The following ST3GAL3 variants were observed in gnomAD, a reference collection of about 807,000 sequenced individuals.
The protein encoded by ST3GAL3 is ST3 beta-galactoside alpha-2,3-sialyltransferase 3, also known as CMP-N-acetylneuraminate-beta-1,4-galactoside alpha-2,3-sialyltransferase.
In ST3GAL3, 21 loss-of-function variants were observed where a neutral mutation model predicts 50.1. That is an observed-to-expected ratio of 0.42 (90% confidence interval 0.30 to 0.60). The LOEUF (loss-of-function observed/expected upper bound fraction) is 0.60. ST3GAL3 is among the 20% of genes least tolerant of loss of function. The probability of loss-of-function intolerance (pLI) is 0.19; values close to 1 mark genes in which losing one functional copy is unlikely to be tolerated. For missense variants in ST3GAL3, 353 were observed against 489.4 expected, an observed-to-expected ratio of 0.72 and a Z score of 2.63; for synonymous variants, 183 against 190.0, an observed-to-expected ratio of 0.96 and a Z score of 0.30.
At chr1:43,732,682 A>T (rs769320433) in intron 1 of ST3GAL3, among the ~76,000 whole-genome samples, 1 of 152,168 alleles carries the variant, frequency 6.6e-6, no homozygotes, top group South Asian at 2.1e-4. Flanking sequence ...CCATAATTTA[A>T]TTATTGGGTC....
At chr1:43,758,409 C>T (rs942838471) in intron 2 of ST3GAL3, among the ~76,000 whole-genome samples, 6 of 151,962 alleles carry the variant, frequency 3.9e-5, no homozygotes. Context: ...TGCCTCTATA[C>T]CTGGCTAATG....
chr1:43,857,630 T>TCCTTCCTTCCTTCCTTCCTC (rs2068832765), intron 5 of ST3GAL3, among the ~76,000 whole-genome samples: 1 of 146,280 alleles, frequency 6.8e-6, no homozygotes, highest in Non-Finnish European at 1.5e-5. Context: ...CTTCCTTCCT[T>TCCTTCCTTCCTTCCTTCCTC]CCTTCCTCGG....
chr1:43,863,324 C>T (rs1405076605), intron 5 of ST3GAL3, among the ~76,000 whole-genome samples: 1 of 152,184 alleles, frequency 6.6e-6, no homozygotes, highest in African/African-American at 2.4e-5. Flanking sequence ...GCACCCACTC[C>T]AGGCTGAAGG....
chr1:43,898,501 C>A (rs762410150), intron 7 of ST3GAL3: 21 of 645,884 alleles, frequency 3.3e-5, no homozygotes, highest in Non-Finnish European at 5.1e-5. Context: ...CAGCACTTGG[C>A]AGGACATCCC....
chr1:43,718,679 C>CTTT (rs56873855), intron 1 of ST3GAL3, among the ~76,000 whole-genome samples: 6 of 29,106 alleles, frequency 2.1e-4, no homozygotes, highest in African/African-American at 4.7e-4. Context: ...TCTGCTACAT[C>CTTT]TTTTTTTTTT....
intron 5 of ST3GAL3, among the ~76,000 whole-genome samples, chr1:43,867,508 C>T (rs1230487862): frequency 3.3e-5 from 5 of 152,026 alleles, no homozygotes; most frequent in Non-Finnish European, 5.9e-5. Context: ...TCTGGGGTTC[C>T]CAGGGAGAGG....
At chr1:43,747,110 C>T (rs1255563399) in intron 2 of ST3GAL3, among the ~76,000 whole-genome samples, 1 of 151,318 alleles carries the variant, frequency 6.6e-6, no homozygotes, top group East Asian at 2.0e-4. Flanking sequence ...ACAATAAAAA[C>T]GTAAAACAAA....
At chr1:43,869,204 T>G (rs1312310875) in intron 5 of ST3GAL3, among the ~76,000 whole-genome samples, 1 of 152,180 alleles carries the variant, frequency 6.6e-6, no homozygotes. Context: ...TTCAAGATAC[T>G]CATCAGTAAT....
chr1:43,806,193 G>A (rs1186397876), intron 3 of ST3GAL3, among the ~76,000 whole-genome samples: 1 of 152,184 alleles, frequency 6.6e-6, no homozygotes, highest in East Asian at 1.9e-4. Context: ...TAGAAATTTA[G>A]GGAAAAATGT....
In ST3GAL3 at chr1:43,899,063, C is replaced by A. The variant is rs2077827602; in HGVS notation, c.462-105C>A. 3.3e-6 allele frequency: 5 copies of A among 1,532,148 alleles called. No individual in the cohort carries two copies. The highest frequency in any genetic ancestry group is 3.6e-6 in the Non-Finnish European group (4 of 1,123,686). 94.9% of individuals were successfully genotyped at this position (1,532,148 alleles called of 1,614,324 possible). ...AGCCCATTGGTCTTCTTCCTCTATC[C>A]CAGCCTGGTCCTGGACAAGGGCGTG... On this transcript the variant is annotated intron_variant, in intron 7 of 11. Coordinates refer to ENST00000347631, the MANE Select transcript of ST3GAL3 (RefSeq NM_006279.5). This position sits in a 1 kb window ranked among gnomAD's most constrained non-coding sequence, Gnocchi z 5.4.
chr1:43,743,563 A>G (rs1386488778), intron 2 of ST3GAL3: 1 of 403,070 alleles, frequency 2.5e-6, no homozygotes, highest in Non-Finnish European at 5.0e-6. Context: ...TAAACTAATG[A>G]AAGCTTATTG....
At chr1:43,813,902 C>A (rs1473045920) in intron 3 of ST3GAL3, among the ~76,000 whole-genome samples, 1 of 83,120 alleles carries the variant, frequency 1.2e-5, no homozygotes. Context: ...CACGCACACA[C>A]GCACACACAC....
intron 2 of ST3GAL3, 126 bp from the exon 3 acceptor site, chr1:43,791,976 G>A: frequency 9.0e-7 from 1 of 1,111,330 alleles, no homozygotes; most frequent in Non-Finnish European, 1.4e-6. Flanking sequence ...CTGGGAGGCT[G>A]GGCTGTTCGA....
At chr1:43,893,072 C>T (rs1198041308) in intron 5 of ST3GAL3, among the ~76,000 whole-genome samples, 1 of 152,164 alleles carries the variant, frequency 6.6e-6, no homozygotes, top group African/African-American at 2.4e-5. Context: ...GGGGAGGGAG[C>T]AGGATTCCAA....
chr1:43,806,820 G>T (rs1324133262), intron 3 of ST3GAL3, among the ~76,000 whole-genome samples: 3 of 152,148 alleles, frequency 2.0e-5, no homozygotes, highest in African/African-American at 7.2e-5. Context: ...CTCCCCAGTA[G>T]CTGGGACCAC....
intron 2 of ST3GAL3, among the ~76,000 whole-genome samples, chr1:43,747,561 A>ATTT (rs71579307): frequency 7.7e-5 from 7 of 90,614 alleles, no homozygotes; most frequent in Non-Finnish European, 8.3e-5. Context: ...TAGCTCAGGG[A>ATTT]TTTTTTTTTT....
At chr1:43,819,784 C>G (rs991999120) in intron 4 of ST3GAL3, among the ~76,000 whole-genome samples, 8 of 152,166 alleles carry the variant, frequency 5.3e-5, no homozygotes, top group Non-Finnish European at 1.0e-4. Context: ...CCACTCCCCC[C>G]TCTAGTAGTA....
intron 4 of ST3GAL3, among the ~76,000 whole-genome samples, chr1:43,821,268 A>G (rs1484801320): frequency 6.6e-6 from 1 of 152,120 alleles, no homozygotes; most frequent in African/African-American, 2.4e-5. Context: ...TTGTTTTTTT[A>G]TAATAAGCAT....
chr1:43,925,066 G>A (rs2083672295), intron 11 of ST3GAL3, among the ~76,000 whole-genome samples: 1 of 152,104 alleles, frequency 6.6e-6, no homozygotes. Context: ...GAGGCGGGTG[G>A]ATCACCTGGG....
Sources: allele counts gnomAD v4.1 joint callset (sites outside exome capture counted in the v4.1 genomes callset), GRCh38; gene constraint gnomAD v4.1.1; non-coding constraint Gnocchi (gnomAD v3.1); transcripts MANE v1.5; gene names NCBI Gene and HGNC (gene_info 2026-07-23, HGNC 2026-07-21).